STAU2: variants seen among roughly 807,000 people sequenced by gnomAD.
The protein encoded by STAU2 is staufen double-stranded RNA binding protein 2, also known as double-stranded RNA-binding protein Staufen homolog 2.
In STAU2, 20 loss-of-function variants were observed where a neutral mutation model predicts 65.9. That is an observed-to-expected ratio of 0.30 (90% CI 0.21 to 0.44). The LOEUF (loss-of-function observed/expected upper bound fraction) is 0.44, where lower values mean the gene tolerates loss of function less well. STAU2 is among the 20% of genes least tolerant of loss of function. The pLI, the probability that STAU2 is intolerant of heterozygous loss-of-function variation, is 1.00. For missense variants in STAU2, 558 were observed against 683.9 expected, an observed-to-expected ratio of 0.82 and a Z score of 2.05; for synonymous variants, 232 against 233.9, an observed-to-expected ratio of 0.99 and a Z score of 0.07.
intron 13 of STAU2, among the ~76,000 whole-genome samples, chr8:73,429,630 G>A (rs1469534898): frequency 6.6e-6 from 1 of 150,902 alleles, no homozygotes; most frequent in Admixed American, 6.6e-5. Flanking sequence ...TAGGGACAAA[G>A]TCCTGCTATG....
At chr8:73,723,649 C>T (rs1380966124) in intron 3 of STAU2, among the ~76,000 whole-genome samples, 2 of 152,092 alleles carry the variant, frequency 1.3e-5, no homozygotes, top group African/African-American at 4.8e-5. Flanking sequence ...GTCTAATTTA[C>T]CATTAATCTC....
chr8:73,494,326 T>C (rs1821290717), intron 13 of STAU2, among the ~76,000 whole-genome samples: 1 of 151,610 alleles, frequency 6.6e-6, no homozygotes, highest in Non-Finnish European at 1.5e-5. Context: ...GGTGAACAAA[T>C]ATAGCAAAAT....
chr8:73,468,501 C>T (rs1033456371), intron 13 of STAU2, among the ~76,000 whole-genome samples: 1 of 152,132 alleles, frequency 6.6e-6, no homozygotes, highest in Non-Finnish European at 1.5e-5. Flanking sequence ...AAGAAACTAC[C>T]ATCAGAGTGA....
intron 3 of STAU2, among the ~76,000 whole-genome samples, chr8:73,730,982 C>T (rs958313504): frequency 1.3e-5 from 2 of 152,130 alleles, no homozygotes; most frequent in Non-Finnish European, 2.9e-5. Context: ...TGTTCTGGTG[C>T]AGTTAAGTTA....
At chr8:73,607,567 T>TAA (rs371950579) in intron 9 of STAU2, among the ~76,000 whole-genome samples, 1 of 150,028 alleles carries the variant, frequency 6.7e-6, no homozygotes, top group African/African-American at 2.5e-5. Flanking sequence ...CCATCTCTAC[T>TAA]AAAAAAAAAC....
At chr8:73,691,865 G>T (rs1403176115) in intron 4 of STAU2, among the ~76,000 whole-genome samples, 1 of 152,072 alleles carries the variant, frequency 6.6e-6, no homozygotes, top group African/African-American at 2.4e-5. Flanking sequence ...AATTTCCTGG[G>T]TGATAGGAAA....
chr8:73,535,193 G>C (rs1009146894), intron 13 of STAU2, among the ~76,000 whole-genome samples: 4 of 151,350 alleles, frequency 2.6e-5, no homozygotes, highest in African/African-American at 9.7e-5. Flanking sequence ...TTTTTGAGAC[G>C]GAGTCTCACT....
intron 3 of STAU2, among the ~76,000 whole-genome samples, chr8:73,711,956 T>C (rs1479599923): frequency 6.6e-6 from 1 of 152,206 alleles, no homozygotes; most frequent in Non-Finnish European, 1.5e-5. Context: ...CTTTATTTAA[T>C]GAGAAATCTT....
intron 6 of STAU2, among the ~76,000 whole-genome samples, chr8:73,627,987 T>C (rs1030885173): frequency 6.6e-6 from 1 of 152,170 alleles, no homozygotes; most frequent in African/African-American, 2.4e-5. Context: ...AAATATAGCA[T>C]ATCTGTGTAC....
chr8:73,439,872 C>T (rs933095357), intron 13 of STAU2: 1 of 152,260 alleles, frequency 6.6e-6, no homozygotes, highest in African/African-American at 2.4e-5. Context: ...GGAATTTGGA[C>T]TCAGGCAGCC....
chr8:73,608,549 T>A (rs1205522746), intron 9 of STAU2, among the ~76,000 whole-genome samples: 2 of 147,500 alleles, frequency 1.4e-5, no homozygotes. Context: ...AGGCGGAGGT[T>A]ACAGTGAGCC....
At chr8:73,533,371 CT>C (rs1805954721) in intron 13 of STAU2, among the ~76,000 whole-genome samples, 1 of 152,138 alleles carries the variant, frequency 6.6e-6, no homozygotes, top group Admixed American at 6.5e-5. Context: ...ATTTGCAAAT[CT>C]ATAACTTTTA....
chr8:73,740,455 T>C (rs1317178259), intron 1 of STAU2, among the ~76,000 whole-genome samples: 3 of 152,230 alleles, frequency 2.0e-5, no homozygotes, highest in Non-Finnish European at 4.4e-5. Flanking sequence ...TGGCAAATTA[T>C]AAAACTTAAA....
At chr8:73,714,210 C>T (rs1821093723) in intron 3 of STAU2, among the ~76,000 whole-genome samples, 1 of 152,088 alleles carries the variant, frequency 6.6e-6, no homozygotes, top group Non-Finnish European at 1.5e-5. Flanking sequence ...GCCTTAAACA[C>T]AGTTTCTATG....
chr8:73,733,084 G>T (rs189954892), intron 3 of STAU2, among the ~76,000 whole-genome samples: 80 of 150,510 alleles, frequency 5.3e-4, no homozygotes, highest in African/African-American at 1.6e-3. Flanking sequence ...TGCCCTACAC[G>T]GTTCTGCTAC....
At chr8:73,585,666 C>A (rs1373622917) in intron 11 of STAU2, among the ~76,000 whole-genome samples, 1 of 152,202 alleles carries the variant, frequency 6.6e-6, no homozygotes, top group Admixed American at 6.5e-5. Context: ...AGAAACCCAG[C>A]AAGCACAAAG....
chr8:73,430,886 C>T (rs1441198243), intron 13 of STAU2, among the ~76,000 whole-genome samples: 1 of 152,144 alleles, frequency 6.6e-6, no homozygotes, highest in Non-Finnish European at 1.5e-5. Context: ...AGCAAATAAC[C>T]TTCATTTTGG....
chr8:73,555,603 T>C (rs1563419284), intron 12 of STAU2, among the ~76,000 whole-genome samples: 2 of 150,158 alleles, frequency 1.3e-5, no homozygotes, highest in Non-Finnish European at 3.0e-5. Flanking sequence ...AATGCAACAA[T>C]AAAAAAAAAT....
chr8:73,732,515 G>A (rs1254682514), intron 3 of STAU2: 1 of 152,060 alleles, frequency 6.6e-6, no homozygotes, highest in East Asian at 1.9e-4. Context: ...CCAGCATAGG[G>A]GAAAGTAGAA....
Sources: gnomAD v4.1 joint callset for allele counts (sites outside exome capture counted in the v4.1 genomes callset) on GRCh38, gnomAD v4.1.1 for gene constraint, MANE v1.5 for transcripts, NCBI Gene and HGNC (gene_info 2026-07-23, HGNC 2026-07-21) for gene names.